Variants in ESRRA observed in about 807,000 individuals in gnomAD.
ESRRA encodes the protein estrogen related receptor alpha.
ESRRA carries 7 observed loss-of-function variants against 35.6 expected under a neutral mutation model. The ratio of observed to expected loss-of-function variants is 0.20; its 90% CI spans 0.11 to 0.37. The LOEUF is 0.37. ESRRA is among the 10% of genes least tolerant of loss of function. ESRRA has a pLI of 1.00. For synonymous variants in ESRRA, 223 were observed against 246.9 expected (o/e 0.90, Z 0.91); for missense variants, 378 against 561.7 (o/e 0.67, Z 3.31).
At chr11:64,310,396 G>A (rs2035116944) in intron 2 of ESRRA, among the ~76,000 whole-genome samples, 1 of 151,602 alleles carries the variant, frequency 6.6e-6, no homozygotes, top group Non-Finnish European at 1.5e-5. Flanking sequence ...CACCACGCCT[G>A]GCTAATTTTT....
At chr11:64,311,180 G>T (rs753861621) in intron 2 of ESRRA, among the ~76,000 whole-genome samples, 1 of 152,236 alleles carries the variant, frequency 6.6e-6, no homozygotes, top group Non-Finnish European at 1.5e-5. Flanking sequence ...AGGTCATAAA[G>T]GTATGTGGTA....
At chr11:64,307,551 GTACAC>G in intron 2 of ESRRA, 47 bp downstream of exon 2, 1 of 1,403,008 alleles carries the variant, frequency 7.1e-7, no homozygotes, top group Non-Finnish European at 9.4e-7. Flanking sequence ...CACCCTCTGG[GTACAC>G]TGCTGGGTGC....
rs1225500168 is a variant in ESRRA, at chr11:64,314,262, G to C, written c.466G>C (p.Gly156Arg). ...AGGAGTGCGCCTGGACCGCGTCCGG[G>C]GTGGGCGGCAGAAGTACAAGCGGCG... Reference protein sequence around the residue: ...KEGVRLDRVRGGRQKYKRRPE... With the variant: ...KEGVRLDRVRRGRQKYKRRPE... The change falls in exon 4 of 7, where the codon GGT becomes CGT. Residue 156 changes from glycine (G) to arginine (R), a missense_variant. Gly to Arg is a moderately radical substitution (Grantham distance 125). Transcript: ENST00000000442. 6.2e-7 allele frequency: 1 copy of C among 1,611,942 alleles called. No individual in the cohort carries two copies. The highest frequency in any genetic ancestry group is 8.5e-7 in the Non-Finnish European group (1 of 1,179,728).
Position 64,307,216 on chromosome 11 carries a change from A to G in ESRRA, c.37A>G (p.Ile13Val), listed in dbSNP as rs2135247837. The change falls in exon 2 of 7, where the codon ATC becomes GTC. Residue 13 changes from isoleucine (I) to valine (V), a missense_variant. Coordinates refer to ENST00000000442, the MANE Select transcript of ESRRA (RefSeq NM_004451.5). ...SQVVGIEPLY[I>V]KAEPASPDSP... ...GGTGGTGGGCATTGAGCCTCTCTAC[A>G]TCAAGGCAGAGCCGGCCAGCCCTGA... The G allele has an allele frequency of 6.2e-7, 1 of 1,608,036 alleles. No homozygotes were observed. The highest frequency in any genetic ancestry group is 1.7e-4 in the Middle Eastern group (1 of 6,000).
chr11:64,306,913 T>C, intron 1 of ESRRA: 1 of 361,572 alleles, frequency 2.8e-6, no homozygotes, highest in Non-Finnish European at 5.0e-6. Context: ...AGTAGGGGCT[T>C]TCTAAGCCTC....
chr11:64,313,798 T>C lies in ESRRA; in HGVS notation c.326-153T>C. 1 of 571,598 alleles carries C rather than the reference T, an allele frequency of 1.7e-6. No individual in the cohort carries two copies. Among genetic ancestry groups the C allele is most frequent in the African/African-American group, 1.9e-5 (1 of 52,660 alleles). The allele number at this position is 571,598 out of a possible 1,614,324, so 35.4% of individuals were successfully genotyped here. ...CAGGGCTCCCCCGCCCAGCAGCCAC[T>C]CCCCTCCCTGCCTGCTCATGGCCCC... is the stretch of plus-strand genomic sequence containing the variant. On this transcript the variant is annotated intron_variant, in intron 2 of 6. Transcript: ENST00000000442. This position sits in a 1 kb window ranked among gnomAD's most constrained non-coding sequence, Gnocchi z 4.0.
chr11:64,306,077 G>T (rs980911557), intron 1 of ESRRA: 1 of 152,506 alleles, frequency 6.6e-6, no homozygotes, highest in African/African-American at 2.4e-5. Flanking sequence ...AGACGGGGAG[G>T]GCTCTATGTC....
At chr11:64,307,593 C>G (rs75011925) in intron 2 of ESRRA, 89 bp downstream of exon 2, 5 of 981,906 alleles carry the variant, frequency 5.1e-6, no homozygotes, top group Non-Finnish European at 4.2e-6. Flanking sequence ...GCTGTGGCAC[C>G]GCTTGAGGCT....
intron 2 of ESRRA, among the ~76,000 whole-genome samples, chr11:64,308,522 CAA>C (rs71045760): frequency 1.6e-4 from 14 of 87,106 alleles, no homozygotes; most frequent in South Asian, 4.4e-4. Flanking sequence ...GATTCCATCT[CAA>C]AAAAAAAAAA....
At chr11:64,310,907 C>T (rs552910953) in intron 2 of ESRRA, among the ~76,000 whole-genome samples, 22 of 152,270 alleles carry the variant, frequency 1.4e-4, no homozygotes, top group Admixed American at 7.2e-4. Context: ...GCACCCTTCC[C>T]ACTCTGAAGA....
intron 1 of ESRRA, 23 bp from the exon 2 acceptor site, chr11:64,307,145 A>G: frequency 6.6e-7 from 1 of 1,523,844 alleles, no homozygotes. Context: ...CTTTCCTGCG[A>G]ACCTATGGGT....
In ESRRA at chr11:64,316,125, T is replaced by G; in HGVS notation, c.*159T>G. The G allele has an allele frequency of 1.2e-6, 1 of 822,918 alleles. No individual in the cohort carries two copies. The highest frequency in any genetic ancestry group is 1.9e-6 in the Non-Finnish European group (1 of 533,416). The allele number at this position is 822,918 out of a possible 1,614,324, so 51.0% of individuals were successfully genotyped here. A position where few individuals can be genotyped will look rare whatever the true frequency, so the allele number is the denominator to read the frequency against. On this transcript the variant is annotated 3_prime_UTR_variant, in exon 7 of 7. Transcript: ENST00000000442. Reference sequence around the variant, plus strand: ...TGGGAACAGGCCCCACGCCCTCTCCTCCCCCTCCTAGGGGGTGTCAGAAGC... The same window carrying G: ...TGGGAACAGGCCCCACGCCCTCTCCGCCCCCTCCTAGGGGGTGTCAGAAGC...
Position 64,316,085 on chromosome 11 carries a change from A to G in ESRRA, c.*119A>G, listed in dbSNP as rs771439016. The G allele has an allele frequency of 1.2e-4, 153 of 1,226,368 alleles. No homozygotes were observed. Among genetic ancestry groups the G allele is most frequent in the Non-Finnish European group, 1.7e-4 (150 of 881,230 alleles). 76.0% of individuals were successfully genotyped at this position (1,226,368 alleles called of 1,614,324 possible). A position where few individuals can be genotyped will look rare whatever the true frequency, so the allele number is the denominator to read the frequency against. ...CACAGCCTGCTGGCAGGGCCAGGGC[A>G]ATGCCATCAGCCCCTGGGAACAGGC... is the stretch of plus-strand genomic sequence containing the variant. On this transcript the variant is annotated 3_prime_UTR_variant, in exon 7 of 7. Coordinates refer to ENST00000000442, the MANE Select transcript of ESRRA (RefSeq NM_004451.5).
At position 64,315,077 on chromosome 11, in the gene ESRRA, G is replaced by A. The variant is rs750798441; in HGVS notation, c.819G>A (p.Val273=). The change falls in exon 6 of 7, where the codon GTG becomes GTA. Residue 273 remains valine, a synonymous_variant. Coordinates refer to ENST00000000442, the MANE Select transcript of ESRRA (RefSeq NM_004451.5). ...GGATGGAGGTGCTGGTGCTGGGTGT[G>A]GCCCAGCGCTCACTGCCACTGCAGG... is the stretch of plus-strand genomic sequence containing the variant. ...SVWMEVLVLG[V]AQRSLPLQDE... 1 of 1,609,052 alleles carries A rather than the reference G, an allele frequency of 6.2e-7. No individual in the cohort carries two copies. The highest frequency in any genetic ancestry group is 8.5e-7 in the Non-Finnish European group (1 of 1,178,910).
chr11:64,309,496 C>T (rs1237225700), intron 2 of ESRRA, among the ~76,000 whole-genome samples: 2 of 150,820 alleles, frequency 1.3e-5, no homozygotes, highest in Non-Finnish European at 2.9e-5. Context: ...ATTTTTTTCT[C>T]ACTCAGGAAA....
Position 64,314,871 on chromosome 11 carries a change from A to G in ESRRA, c.702A>G (p.Arg234=). 1.2e-6 allele frequency: 2 copies of G among 1,612,358 alleles called. No individual in the cohort carries two copies. The highest frequency in any genetic ancestry group is 1.7e-6 in the Non-Finnish European group (2 of 1,179,978). The stretch of plus-strand genomic sequence containing the variant: ...CTACCCTCTGTGACCTCTTTGACCG[A>G]GAGATTGTGGTCACCATCAGCTGGG... ...AVATLCDLFD[R]EIVVTISWAK... The change falls in exon 5 of 7, where the codon CGA becomes CGG. Residue 234 remains arginine (R), a synonymous_variant. Transcript: ENST00000000442.
chr11:64,308,048 C>T (rs1428350269), intron 2 of ESRRA, among the ~76,000 whole-genome samples: 2 of 152,082 alleles, frequency 1.3e-5, no homozygotes, highest in African/African-American at 2.4e-5. Flanking sequence ...TGCACCACCA[C>T]GCCCAGCTAA....
Position 64,313,786 on chromosome 11 carries a change from C to T in ESRRA, c.326-165C>T. On this transcript the variant is annotated intron_variant, in intron 2 of 6. Transcript: ENST00000000442. The surrounding 1 kb of genome is among the most constrained non-coding windows in gnomAD (Gnocchi z 4.0). ...CCCTCATCCAGGCAGGGCTCCCCCG[C>T]CCAGCAGCCACTCCCCTCCCTGCCT... The T allele has an allele frequency of 1.8e-6, 1 of 568,372 alleles. No homozygotes were observed. 35.2% of individuals were successfully genotyped at this position (568,372 alleles called of 1,614,324 possible).
intron 1 of ESRRA, chr11:64,306,479 G>T: frequency 6.5e-6 from 1 of 152,730 alleles, no homozygotes; most frequent in Non-Finnish European, 1.5e-5. Flanking sequence ...GTTTTCATGA[G>T]TCCGTGCCTG....
Sources: allele counts gnomAD v4.1 joint callset (sites outside exome capture counted in the v4.1 genomes callset), GRCh38; gene constraint gnomAD v4.1.1; non-coding constraint Gnocchi (gnomAD v3.1); transcripts MANE v1.5; gene names NCBI Gene and HGNC (gene_info 2026-07-23, HGNC 2026-07-21).